The following GALNT14 variants were observed in gnomAD, a reference collection of about 807,000 sequenced individuals.
GALNT14 encodes the protein UDP-GalNAc:polypeptide N-acetylgalactosaminyltransferase 14.
In GALNT14, 60 loss-of-function variants were observed where a neutral mutation model predicts 77.5. The ratio of observed to expected loss-of-function variants is 0.77; its 90% confidence interval spans 0.63 to 0.96. The LOEUF (loss-of-function observed/expected upper bound fraction) is 0.96, where lower values mean the gene tolerates loss of function less well. GALNT14 is among the 40% of genes least tolerant of loss of function. GALNT14 has a pLI of 0.00. For synonymous variants in GALNT14, 280 were observed against 281.7 expected (o/e 0.99, Z 0.06); for missense variants, 710 against 731.0 (o/e 0.97, Z 0.33).
intron 1 of GALNT14, among the ~76,000 whole-genome samples, chr2:31,046,914 T>C (rs565817593): frequency 2.0e-5 from 3 of 152,312 alleles, no homozygotes; most frequent in Non-Finnish European, 2.9e-5. Flanking sequence ...CTTTGAAATG[T>C]TCCTACAAGC....
At chr2:30,988,303 C>T (rs1669445888) in intron 2 of GALNT14, among the ~76,000 whole-genome samples, 1 of 152,234 alleles carries the variant, frequency 6.6e-6, no homozygotes, top group South Asian at 2.1e-4. Flanking sequence ...AAAGGAGGCC[C>T]ACCAGGGGCA....
At chr2:30,950,154 A>C (rs919350183) in intron 6 of GALNT14, among the ~76,000 whole-genome samples, 1 of 152,230 alleles carries the variant, frequency 6.6e-6, no homozygotes, top group South Asian at 2.1e-4. Flanking sequence ...ACTTTGAAGA[A>C]TATGTAAGCT....
At chr2:30,945,647 G>C in intron 7 of GALNT14, 136 bp downstream of exon 7, 1 of 709,000 alleles carries the variant, frequency 1.4e-6, no homozygotes, top group Non-Finnish European at 2.5e-6. Context: ...CCAAGCTAAG[G>C]TAATTATAGT....
At chr2:31,069,483 T>C (rs1282847654) in intron 1 of GALNT14, among the ~76,000 whole-genome samples, 2 of 152,236 alleles carry the variant, frequency 1.3e-5, no homozygotes, top group African/African-American at 2.4e-5. Flanking sequence ...ATAATCCCCA[T>C]TTTACAAATG....
intron 1 of GALNT14, among the ~76,000 whole-genome samples, chr2:31,112,020 C>A (rs897551697): frequency 1.0e-4 from 15 of 147,682 alleles, no homozygotes; most frequent in Non-Finnish European, 2.1e-4. Context: ...TTCTTTGTAT[C>A]CCTCCTTGTT....
intron 1 of GALNT14, among the ~76,000 whole-genome samples, chr2:31,110,753 A>AAT: frequency 6.6e-6 from 1 of 152,286 alleles, no homozygotes; most frequent in Non-Finnish European, 1.5e-5. Context: ...GGGGGGAATT[A>AAT]ATGTAAAGCT....
Position 31,044,081 on chromosome 2 carries a change from C to A in GALNT14, c.130-51074G>T, listed in dbSNP as rs936858034. ...GGACTAGCGACATATTTTTAGAAGA[C>A]CCTTTAATCATCCAAAGATCAACTT... On this transcript the variant is annotated intron_variant, in intron 1 of 14. Coordinates refer to ENST00000349752, the MANE Select transcript of GALNT14 (RefSeq NM_024572.4). Among the ~76,000 whole-genome samples the A allele has an allele frequency of 2.6e-5, 4 of 152,202 alleles. No individual in the cohort carries two copies. In the South Asian group the frequency reaches 6.2e-4, roughly 24 times the overall value.
chr2:31,002,700 T>A (rs928335720), intron 1 of GALNT14, among the ~76,000 whole-genome samples: 1 of 152,190 alleles, frequency 6.6e-6, no homozygotes, highest in Non-Finnish European at 1.5e-5. Context: ...TATCACCATA[T>A]GCTCCCATAT....
At chr2:31,025,172 T>C (rs1671961646) in intron 1 of GALNT14, among the ~76,000 whole-genome samples, 1 of 152,220 alleles carries the variant, frequency 6.6e-6, no homozygotes, top group African/African-American at 2.4e-5. Flanking sequence ...ACCCTTGCCA[T>C]AATTCTAAGA....
Position 31,060,826 on chromosome 2 carries a change from T to G in GALNT14, c.130-67819A>C, listed in dbSNP as rs186932688. Among the ~76,000 whole-genome samples the G allele has an allele frequency of 2.1e-3, 324 of 152,292 alleles. 1 individual carries two copies. The highest frequency in any genetic ancestry group is 7.5e-3 in the African/African-American group (311 of 41,558). ...GCTCTCTTTTGCATTGTCCTTCATCTTGCCAGTGCTCCACCCAGCCAGGAC... is the reference window on the plus strand; with the variant it reads ...GCTCTCTTTTGCATTGTCCTTCATCGTGCCAGTGCTCCACCCAGCCAGGAC... On this transcript the variant is annotated intron_variant, in intron 1 of 14. Transcript: ENST00000349752.
chr2:30,926,132 CTAAG>C, intron 11 of GALNT14, among the ~76,000 whole-genome samples: 1 of 152,222 alleles, frequency 6.6e-6, no homozygotes. Flanking sequence ...TCACCAGACT[CTAAG>C]CTCCATCAGG....
intron 1 of GALNT14, among the ~76,000 whole-genome samples, chr2:31,060,638 C>T (rs550910435): frequency 6.6e-6 from 1 of 152,212 alleles, no homozygotes; most frequent in Non-Finnish European, 1.5e-5. Context: ...AATCGGCTAG[C>T]GGCTGTCAAC....
chr2:31,027,872 G>C (rs1672160993), intron 1 of GALNT14, among the ~76,000 whole-genome samples: 1 of 145,394 alleles, frequency 6.9e-6, no homozygotes, highest in Non-Finnish European at 1.5e-5. Flanking sequence ...ACTCTAAGAG[G>C]GCCCAGATGT....
intron 13 of GALNT14, among the ~76,000 whole-genome samples, chr2:30,921,653 GT>G (rs1665037815): frequency 6.6e-6 from 1 of 152,214 alleles, no homozygotes; most frequent in African/African-American, 2.4e-5. Context: ...GGAACAATGG[GT>G]TAATGACCAC....
At chr2:31,048,247 G>T (rs747576619) in intron 1 of GALNT14, among the ~76,000 whole-genome samples, 1 of 152,202 alleles carries the variant, frequency 6.6e-6, no homozygotes, top group Admixed American at 6.5e-5. Flanking sequence ...GTGGTATAGG[G>T]GTAGGAAGCC....
chr2:31,048,014 G>A (rs954818237), intron 1 of GALNT14, among the ~76,000 whole-genome samples: 2 of 152,202 alleles, frequency 1.3e-5, no homozygotes, highest in African/African-American at 4.8e-5. Context: ...TGGGACTCCA[G>A]CTTAGGGTCC....
intron 2 of GALNT14, among the ~76,000 whole-genome samples, chr2:30,983,925 T>C (rs1669140882): frequency 6.6e-6 from 1 of 152,204 alleles, no homozygotes; most frequent in Admixed American, 6.5e-5. Context: ...AAAATTGATT[T>C]TGCATTTCAG....
chr2:31,012,568 A>G (rs971834441), intron 1 of GALNT14, among the ~76,000 whole-genome samples: 4 of 152,202 alleles, frequency 2.6e-5, no homozygotes, highest in Admixed American at 2.6e-4. Context: ...CAGAACTCAC[A>G]GCCCTCAAAC....
intron 1 of GALNT14, among the ~76,000 whole-genome samples, chr2:31,030,857 A>G (rs1462280723): frequency 6.6e-6 from 1 of 152,192 alleles, no homozygotes; most frequent in Non-Finnish European, 1.5e-5. Flanking sequence ...AGATTTAGAC[A>G]TGGTTTAAGG....
Sources: allele counts gnomAD v4.1 joint callset (sites outside exome capture counted in the v4.1 genomes callset), GRCh38; gene constraint gnomAD v4.1.1; transcripts MANE v1.5; gene names NCBI Gene and HGNC (gene_info 2026-07-23, HGNC 2026-07-21).